Variants in ABCE1 observed in about 807,000 individuals in gnomAD.
ABCE1 encodes ATP binding cassette subfamily E member 1.
A neutral mutation model predicts 83.4 loss-of-function variants in ABCE1; 22 were observed. The ratio of observed to expected loss-of-function variants is 0.26; its 90% CI spans 0.19 to 0.38. The LOEUF (loss-of-function observed/expected upper bound fraction) is 0.38. Among genes scored for constraint, ABCE1 ranks in the 10% least tolerant of loss-of-function variants. ABCE1 has a pLI of 1.00. For synonymous variants in ABCE1, 204 were observed against 233.7 expected, an observed-to-expected ratio of 0.87 and a Z score of 1.16; for missense variants, 330 against 721.9, an observed-to-expected ratio of 0.46 and a Z score of 6.22.
Position 145,123,144 on chromosome 4 carries a change from A to T in ABCE1, c.1374+13A>T. 6.3e-7 allele frequency: 1 copy of T among 1,578,632 alleles called. No individual in the cohort carries two copies. The highest frequency in any genetic ancestry group is 8.6e-7 in the Non-Finnish European group (1 of 1,169,078). The stretch of plus-strand genomic sequence containing the variant: ...CATTGATCAAGAGGTACTTTAACAT[A>T]ATTTTTTTTATTTTTTTATTATTTT... On this transcript the variant is annotated intron_variant, in intron 14 of 17. Transcript: ENST00000296577.
Position 145,110,168 on chromosome 4 carries a change from A to C in ABCE1, c.471A>C (p.Thr157=). The stretch of plus-strand genomic sequence containing the variant: ...GATCTGAATTACAAAATTACTTTAC[A>C]AAGATTCTAGAAGATGACCTAAAAG... ...FRGSELQNYF[T]KILEDDLKAI... The change falls in exon 6 of 18, where the codon ACA becomes ACC. Residue 157 remains threonine, a synonymous_variant. Transcript: ENST00000296577. The C allele has an allele frequency of 1.2e-6, 2 of 1,608,550 alleles. No individual in the cohort carries two copies. The highest frequency in any genetic ancestry group is 1.7e-6 in the Non-Finnish European group (2 of 1,178,430).
intron 3 of ABCE1, among the ~76,000 whole-genome samples, chr4:145,107,367 A>C (rs1264069216): frequency 6.6e-6 from 1 of 152,134 alleles, no homozygotes; most frequent in Non-Finnish European, 1.5e-5. Context: ...CAAGGGCAGG[A>C]ATAATTGAAG....
rs773923692 is a variant in ABCE1, at chr4:145,123,189, A to T, written c.1375-26A>T. 4.4e-6 allele frequency: 7 copies of T among 1,595,766 alleles called. No individual in the cohort carries two copies. The South Asian group carries it at 8.0e-5, about 18-fold the overall frequency. Reference sequence around the variant, plus strand: ...TATTTTGAATTTTGGATGCCTTTACATGGTTTGCTAAACTCCTCCAATTAG... The same window carrying T: ...TATTTTGAATTTTGGATGCCTTTACTTGGTTTGCTAAACTCCTCCAATTAG... On this transcript the variant is annotated intron_variant, in intron 14 of 17. Coordinates refer to ENST00000296577, the MANE Select transcript of ABCE1 (RefSeq NM_002940.3).
At chr4:145,102,421 A>G (rs1018033488) in intron 1 of ABCE1, among the ~76,000 whole-genome samples, 1 of 152,194 alleles carries the variant, frequency 6.6e-6, no homozygotes, top group Non-Finnish European at 1.5e-5. Flanking sequence ...GATGAAGTTA[A>G]AGACAGAAGG....
intron 1 of ABCE1, among the ~76,000 whole-genome samples, chr4:145,100,262 G>A (rs1201280614): frequency 1.3e-5 from 2 of 152,182 alleles, no homozygotes; most frequent in Non-Finnish European, 2.9e-5. Flanking sequence ...GCTAAAGCAA[G>A]AGGATCCCTT....
At chr4:145,105,740 T>G (rs1749285487) in intron 3 of ABCE1, 50 bp downstream of exon 3, 1 of 1,309,858 alleles carries the variant, frequency 7.6e-7, no homozygotes, top group African/African-American at 1.5e-5. Flanking sequence ...AAAACTGAAA[T>G]CTGAAAATTC....
At chr4:145,105,572 G>T (rs1749279263) in intron 2 of ABCE1, 33 bp from the exon 3 acceptor site, 1 of 1,463,142 alleles carries the variant, frequency 6.8e-7, no homozygotes, top group East Asian at 2.3e-5. Flanking sequence ...AAGATCAAAG[G>T]AAATGGCTTA....
chr4:145,114,433 A>G (rs1398235054), intron 9 of ABCE1, among the ~76,000 whole-genome samples: 2 of 152,122 alleles, frequency 1.3e-5, no homozygotes, highest in African/African-American at 4.8e-5. Flanking sequence ...CTACGTTCAT[A>G]TAAAACTTTA....
intron 10 of ABCE1, among the ~76,000 whole-genome samples, chr4:145,117,932 C>A (rs184152034): frequency 5.3e-5 from 8 of 151,688 alleles, no homozygotes; most frequent in Admixed American, 2.6e-4. Context: ...GATTCCCTGG[C>A]CTCTCCCTTC....
chr4:145,129,178 TG>T lies in ABCE1; in HGVS notation c.*1607del, dbSNP rs1056904862. 31 of 152,336 alleles carry T rather than the reference TG, an allele frequency of 2.0e-4. No homozygotes were observed. Among genetic ancestry groups the T allele is most frequent in the African/African-American group, 7.2e-4 (30 of 41,582 alleles). 9.4% of individuals were successfully genotyped at this position (152,336 alleles called of 1,614,324 possible). On this transcript the variant is annotated 3_prime_UTR_variant, in exon 18 of 18. Transcript: ENST00000296577. ...AAAAGCTATTGTTATTTACTGATCC[TG>T]GATTGTCTTAAAGAAAGTACTTGTG...
Position 145,110,197 on chromosome 4 carries a change from T to C in ABCE1, c.500T>C (p.Ile167Thr). Residue 167 changes from isoleucine (I) to threonine (T), a missense_variant, in exon 6 of 18, where the codon ATC (isoleucine) becomes ACC (threonine). Physicochemically the swap from Ile to Thr is moderately conservative, Grantham distance 89. Transcript: ENST00000296577. ...TKILEDDLKA[I>T]IKPQYVDQIP... is the part of the protein sequence containing the mutation. ...ATTCTAGAAGATGACCTAAAAGCCATCATCAAACCTCAATATGTAGACCAG... is the reference window on the plus strand; with the variant it reads ...ATTCTAGAAGATGACCTAAAAGCCACCATCAAACCTCAATATGTAGACCAG... 6.2e-7 allele frequency: 1 copy of C among 1,607,064 alleles called. No homozygotes were observed. The highest frequency in any genetic ancestry group is 8.5e-7 in the Non-Finnish European group (1 of 1,178,096).
At chr4:145,125,281 A>C (rs758670400) in intron 17 of ABCE1, among the ~76,000 whole-genome samples, 180 bp downstream of exon 17, 1 of 152,168 alleles carries the variant, frequency 6.6e-6, no homozygotes, top group Non-Finnish European at 1.5e-5. Flanking sequence ...CAGCCTGGCC[A>C]ACATGGTGCA....
intron 11 of ABCE1, 62 bp downstream of exon 11, chr4:145,120,215 C>G: frequency 6.9e-7 from 1 of 1,440,736 alleles, no homozygotes; most frequent in East Asian, 2.3e-5. Context: ...TTAGTTTTAA[C>G]TGTTTTGTGG....
In ABCE1 at chr4:145,128,341, T is replaced by G. The variant is rs1749950204; in HGVS notation, c.*768T>G. On this transcript the variant is annotated 3_prime_UTR_variant, in exon 18 of 18. Coordinates refer to ENST00000296577, the MANE Select transcript of ABCE1 (RefSeq NM_002940.3). ...TATTTATATAATCACTGATTGAGATTTAGGAAAAAGCATTTCTAAAGAATA... is the reference window on the plus strand; with the variant it reads ...TATTTATATAATCACTGATTGAGATGTAGGAAAAAGCATTTCTAAAGAATA... The G allele has an allele frequency of 2.0e-5, 3 of 152,616 alleles. No individual in the cohort carries two copies. The highest frequency in any genetic ancestry group is 7.2e-5 in the African/African-American group (3 of 41,452). The allele number at this position is 152,616 out of a possible 1,614,324, so 9.5% of individuals were successfully genotyped here.
chr4:145,103,986 T>G (rs1214282125), intron 1 of ABCE1, among the ~76,000 whole-genome samples: 1 of 152,054 alleles, frequency 6.6e-6, no homozygotes, highest in Non-Finnish European at 1.5e-5. Context: ...CAGGAAGGGT[T>G]TAAATCTGTG....
intron 1 of ABCE1, among the ~76,000 whole-genome samples, chr4:145,102,702 A>C (rs190859586): frequency 6.6e-6 from 1 of 152,310 alleles, no homozygotes; most frequent in East Asian, 1.9e-4. Flanking sequence ...GCTGAGGGAC[A>C]GTGGAAATAT....
At chr4:145,110,017 T>A in intron 5 of ABCE1, 86 bp from the exon 6 acceptor site, 1 of 1,207,750 alleles carries the variant, frequency 8.3e-7, no homozygotes, top group Non-Finnish European at 1.1e-6. Flanking sequence ...TCTATTTGCA[T>A]ATATAATCTA....
intron 1 of ABCE1, 43 bp from the exon 2 acceptor site, chr4:145,104,342 TC>T: frequency 1.1e-6 from 1 of 880,080 alleles, no homozygotes. Flanking sequence ...GCAAATTAGT[TC>T]CCTTAACTAA....
intron 1 of ABCE1, among the ~76,000 whole-genome samples, chr4:145,099,637 C>G (rs1749065087): frequency 6.6e-6 from 1 of 152,206 alleles, no homozygotes; most frequent in South Asian, 2.1e-4. Context: ...ATGTCTTAAA[C>G]TTAAAACTCT....
Sources: allele counts gnomAD v4.1 joint callset (sites outside exome capture counted in the v4.1 genomes callset), GRCh38; gene constraint gnomAD v4.1.1; transcripts MANE v1.5; gene names NCBI Gene and HGNC (gene_info 2026-07-23, HGNC 2026-07-21).